ADAMTS17: variants seen among roughly 807,000 people sequenced by gnomAD.
ADAMTS17 encodes the protein A disintegrin and metalloproteinase with thrombospondin motifs 17.
A neutral mutation model predicts 141.5 loss-of-function variants in ADAMTS17; 113 were observed. The ratio of observed to expected loss-of-function variants is 0.80; its 90% confidence interval spans 0.69 to 0.93. The LOEUF is 0.93. Among genes scored for constraint, ADAMTS17 ranks in the 40% least tolerant of loss-of-function variants. The pLI, the probability that ADAMTS17 is intolerant of heterozygous loss-of-function variation, is 0.00. For synonymous variants in ADAMTS17, 768 were observed against 630.6 expected (o/e 1.22, Z -3.27); for missense variants, 1,659 against 1,517.9 (o/e 1.09, Z -1.54).
At chr15:100,144,609 C>T (rs1252576175) in intron 10 of ADAMTS17, among the ~76,000 whole-genome samples, 2 of 151,900 alleles carry the variant, frequency 1.3e-5, no homozygotes, top group African/African-American at 2.4e-5. Flanking sequence ...GGCTAAGACT[C>T]CTGTGGTTTA....
intron 15 of ADAMTS17, among the ~76,000 whole-genome samples, chr15:100,072,287 C>T (rs1053491966): frequency 6.7e-6 from 1 of 148,642 alleles, no homozygotes; most frequent in Non-Finnish European, 1.5e-5. Flanking sequence ...ACATTCCATG[C>T]TCATGGGTAG....
intron 3 of ADAMTS17, 99 bp downstream of exon 3, chr15:100,330,790 G>T: frequency 6.8e-7 from 1 of 1,471,992 alleles, no homozygotes; most frequent in East Asian, 2.3e-5. Flanking sequence ...ATAGGGGAAG[G>T]TAAGTTCTCA....
At chr15:100,043,886 G>C (rs2031468233) in intron 18 of ADAMTS17, among the ~76,000 whole-genome samples, 2 of 152,260 alleles carry the variant, frequency 1.3e-5, no homozygotes, top group East Asian at 3.8e-4. Context: ...GAATGACTCT[G>C]AACTTTCTGT....
intron 6 of ADAMTS17, among the ~76,000 whole-genome samples, chr15:100,260,309 G>C (rs57125982): frequency 0.56 from 85,249 of 151,860 alleles, 24,362 homozygotes; most frequent in East Asian, 0.75. Flanking sequence ...CAAATGTTAA[G>C]TGAGATTTAA....
chr15:100,089,980 T>G (rs1468028585), intron 15 of ADAMTS17, among the ~76,000 whole-genome samples: 3 of 136,302 alleles, frequency 2.2e-5, no homozygotes, highest in Admixed American at 7.5e-5. Flanking sequence ...CTTAAAAGTA[T>G]AATAATAAAA....
chr15:100,151,787 G>A (rs985204627), intron 10 of ADAMTS17, among the ~76,000 whole-genome samples: 8 of 152,114 alleles, frequency 5.3e-5, no homozygotes, highest in African/African-American at 1.9e-4. Flanking sequence ...CTACACAGAT[G>A]GCCACAGGCA....
intron 3 of ADAMTS17, among the ~76,000 whole-genome samples, chr15:100,330,626 C>A (rs2046022212): frequency 1.3e-5 from 2 of 152,166 alleles, no homozygotes; most frequent in African/African-American, 4.8e-5. Context: ...TGGACCTCAA[C>A]TTGCTCTTGA....
intron 2 of ADAMTS17, among the ~76,000 whole-genome samples, chr15:100,338,742 G>T (rs1031181221): frequency 6.6e-6 from 1 of 151,966 alleles, no homozygotes; most frequent in East Asian, 1.9e-4. Context: ...CGAGCCTGTC[G>T]TAGCAAATAC....
At chr15:100,141,758 T>G (rs2038665648) in intron 10 of ADAMTS17, among the ~76,000 whole-genome samples, 1 of 152,236 alleles carries the variant, frequency 6.6e-6, no homozygotes, top group African/African-American at 2.4e-5. Context: ...GAGAGCTCTC[T>G]GAAAAGGCAG....
Position 99,974,415 on chromosome 15 carries a change from G to A in ADAMTS17, c.3275C>T (p.Pro1092Leu), listed in dbSNP as rs201896149. 216 of 1,614,190 alleles carry A rather than the reference G, an allele frequency of 1.3e-4. 1 individual carries two copies. In the Admixed American group the frequency reaches 2.5e-3, roughly 19 times the overall value. ...DFYANKMRQP[P>L]PNS Reference sequence around the variant, plus strand: ...TGGGACTGCGTGTCACGAGTTCGGCGGTGGCTGGCGCATCTTGTTTGCATA... The same window carrying A: ...TGGGACTGCGTGTCACGAGTTCGGCAGTGGCTGGCGCATCTTGTTTGCATA... Residue 1092 changes from proline to leucine, a missense_variant, in exon 22 of 22, where the codon CCG becomes CTG. Coordinates refer to ENST00000268070, the MANE Select transcript of ADAMTS17 (RefSeq NM_139057.4).
intron 3 of ADAMTS17, among the ~76,000 whole-genome samples, chr15:100,326,111 G>T (rs1168259365): frequency 6.6e-6 from 1 of 152,214 alleles, no homozygotes; most frequent in African/African-American, 2.4e-5. Context: ...AAAGGGAACA[G>T]AATTGCGCCT....
intron 4 of ADAMTS17, among the ~76,000 whole-genome samples, chr15:100,272,087 A>T (rs1219615811): frequency 6.6e-6 from 1 of 152,182 alleles, no homozygotes; most frequent in Non-Finnish European, 1.5e-5. Flanking sequence ...TCTTTATGTC[A>T]GTAAAGTGTT....
intron 3 of ADAMTS17, among the ~76,000 whole-genome samples, chr15:100,298,605 G>C (rs2044910105): frequency 6.6e-6 from 1 of 152,170 alleles, no homozygotes; most frequent in African/African-American, 2.4e-5. Context: ...AATGGAGGGA[G>C]AAAGAAAGGG....
chr15:100,322,194 C>G (rs183313867), intron 3 of ADAMTS17, among the ~76,000 whole-genome samples: 1 of 152,102 alleles, frequency 6.6e-6, no homozygotes, highest in Non-Finnish European at 1.5e-5. Context: ...GAAGGGGTAA[C>G]GCTCCAACAG....
At chr15:99,984,350 G>A (rs1166346958) in intron 20 of ADAMTS17, among the ~76,000 whole-genome samples, 2 of 152,214 alleles carry the variant, frequency 1.3e-5, no homozygotes, top group Non-Finnish European at 2.9e-5. Flanking sequence ...TGCAAAAGCT[G>A]CAGTGAGACA....
intron 2 of ADAMTS17, among the ~76,000 whole-genome samples, chr15:100,340,135 G>A (rs979431144): frequency 1.3e-5 from 2 of 152,262 alleles, no homozygotes; most frequent in African/African-American, 4.8e-5. Flanking sequence ...AAGCTTCGCT[G>A]GGGGCAGCCC....
chr15:100,119,061 C>CACACACACACACACACACACACACAG (rs1214959341), intron 12 of ADAMTS17, among the ~76,000 whole-genome samples: 1 of 151,952 alleles, frequency 6.6e-6, no homozygotes, highest in Non-Finnish European at 1.5e-5. Context: ...CACACACACA[C>CACACACACACACACACACACACACAG]AGAGACAGGC....
intron 8 of ADAMTS17, among the ~76,000 whole-genome samples, chr15:100,159,945 C>T (rs967121581): frequency 6.6e-6 from 1 of 152,204 alleles, no homozygotes; most frequent in Non-Finnish European, 1.5e-5. Context: ...GGTCTGGAAC[C>T]ATGAGCTGCG....
intron 9 of ADAMTS17, among the ~76,000 whole-genome samples, chr15:100,153,882 T>A (rs2039306929): frequency 6.6e-6 from 1 of 152,030 alleles, no homozygotes; most frequent in African/African-American, 2.4e-5. Context: ...CATGAGCAAA[T>A]AAAAACACCT....
Sources: allele counts gnomAD v4.1 joint callset (sites outside exome capture counted in the v4.1 genomes callset), GRCh38; gene constraint gnomAD v4.1.1; transcripts MANE v1.5; gene names NCBI Gene and HGNC (gene_info 2026-07-23, HGNC 2026-07-21).